ATRN: variants seen among roughly 807,000 people sequenced by gnomAD.
The protein encoded by ATRN is attractin, also known as attractin-2.
In ATRN, 54 loss-of-function variants were observed where a neutral mutation model predicts 178.7. The ratio of observed to expected loss-of-function variants is 0.30; its 90% CI spans 0.24 to 0.38. The LOEUF (loss-of-function observed/expected upper bound fraction) is 0.38. Among genes scored for constraint, ATRN ranks in the 10% least tolerant of loss-of-function variants. ATRN has a pLI of 1.00. For synonymous variants in ATRN, 636 were observed against 663.0 expected, an observed-to-expected ratio of 0.96 and a Z score of 0.63; for missense variants, 1,443 against 1,815.1, an observed-to-expected ratio of 0.79 and a Z score of 3.73.
chr20:3,617,250 A>C (rs2086856759), intron 24 of ATRN, among the ~76,000 whole-genome samples: 1 of 152,182 alleles, frequency 6.6e-6, no homozygotes, highest in Admixed American at 6.5e-5. Context: ...TTTTGTCCAG[A>C]GAGTTAGAAG....
chr20:3,578,919 G>T, intron 15 of ATRN, 147 bp downstream of exon 15: 1 of 651,926 alleles, frequency 1.5e-6, no homozygotes, highest in South Asian at 2.7e-5. Context: ...GAGGGACTGT[G>T]GGTTTGTGCT....
chr20:3,547,179 A>T, intron 4 of ATRN, 105 bp from the exon 5 acceptor site: 1 of 913,862 alleles, frequency 1.1e-6, no homozygotes, highest in Non-Finnish European at 1.7e-6. Context: ...ACACTTGTGA[A>T]TGAACTGAGA....
intron 18 of ATRN, 29 bp from the exon 19 acceptor site, chr20:3,591,140 C>T (rs756524901): frequency 5.6e-6 from 9 of 1,611,300 alleles, no homozygotes; most frequent in East Asian, 2.2e-5. Context: ...TTCCATGGTA[C>T]AGACCCCTTG....
chr20:3,645,783 C>G lies in ATRN; in HGVS notation c.4166-940C>G, dbSNP rs1271947693. 6.6e-6 allele frequency among the ~76,000 whole-genome samples: 1 copy of G among 151,502 alleles called. No homozygotes were observed. Among genetic ancestry groups the G allele is most frequent in the African/African-American group, 2.4e-5 (1 of 41,166 alleles). On this transcript the variant is annotated intron_variant, in intron 28 of 28. Coordinates refer to ENST00000262919, the MANE Select transcript of ATRN (RefSeq NM_139321.3). This position sits in a 1 kb window ranked among gnomAD's most constrained non-coding sequence, Gnocchi z 4.7. ...CCCCCACTCCCCTTCACAGGCTCAACAAGGCAAGTAACACGCTCCACTAAC... is the reference window on the plus strand; with the variant it reads ...CCCCCACTCCCCTTCACAGGCTCAAGAAGGCAAGTAACACGCTCCACTAAC...
At chr20:3,572,455 G>T (rs941470448) in intron 11 of ATRN, among the ~76,000 whole-genome samples, 1 of 152,104 alleles carries the variant, frequency 6.6e-6, no homozygotes, top group African/African-American at 2.4e-5. Context: ...TGTTTTTTAA[G>T]ACCTTGAAAA....
At chr20:3,598,058 G>T in intron 22 of ATRN, 58 bp downstream of exon 22, 1 of 1,169,332 alleles carries the variant, frequency 8.6e-7, no homozygotes, top group Non-Finnish European at 1.3e-6. Flanking sequence ...CTTTTTCTTG[G>T]TCATTACGGA....
At chr20:3,481,860 CAATT>C (rs751658768) in intron 1 of ATRN, among the ~76,000 whole-genome samples, 6 of 130,430 alleles carry the variant, frequency 4.6e-5, no homozygotes, top group Non-Finnish European at 6.3e-5. Context: ...ATGAATTTTC[CAATT>C]AATTTCTCTT....
chr20:3,610,960 G>A (rs906728612), intron 24 of ATRN, among the ~76,000 whole-genome samples: 6 of 151,950 alleles, frequency 3.9e-5, no homozygotes, highest in Admixed American at 6.5e-5. Flanking sequence ...GCCTTTTAAC[G>A]AATAGTGCTA....
At chr20:3,611,040 A>G (rs756299033) in intron 24 of ATRN, among the ~76,000 whole-genome samples, 1 of 152,166 alleles carries the variant, frequency 6.6e-6, no homozygotes, top group Non-Finnish European at 1.5e-5. Context: ...AATTAACGCA[A>G]TATTGATCAC....
Position 3,624,590 on chromosome 20 carries a change from G to A in ATRN, c.3863+18G>A, listed in dbSNP as rs909033040. On this transcript the variant is annotated intron_variant, in intron 25 of 28. Coordinates refer to ENST00000262919, the MANE Select transcript of ATRN (RefSeq NM_139321.3). ...TTCTTCAGGTAATTTTGCTTATACA[G>A]ACTCTCTCTGTTCTTTTGATTTAGG... The A allele has an allele frequency of 3.8e-6, 6 of 1,595,522 alleles. No homozygotes were observed. Among genetic ancestry groups the A allele is most frequent in the Non-Finnish European group, 5.2e-6 (6 of 1,163,686 alleles).
intron 1 of ATRN, among the ~76,000 whole-genome samples, chr20:3,527,399 G>A (rs898435960): frequency 6.6e-6 from 1 of 152,214 alleles, no homozygotes; most frequent in African/African-American, 2.4e-5. Flanking sequence ...AGTTAGAACG[G>A]TGATCATTAA....
At chr20:3,497,529 C>T (rs1273593676) in intron 1 of ATRN, among the ~76,000 whole-genome samples, 1 of 152,158 alleles carries the variant, frequency 6.6e-6, no homozygotes, top group Non-Finnish European at 1.5e-5. Flanking sequence ...GCTGAGAGAT[C>T]AGCTGTTAGT....
At chr20:3,581,263 A>G (rs967193720) in intron 15 of ATRN, among the ~76,000 whole-genome samples, 4 of 152,208 alleles carry the variant, frequency 2.6e-5, no homozygotes, top group African/African-American at 9.6e-5. Context: ...AAAGAAAGCA[A>G]AGGGAGGGAA....
chr20:3,584,653 A>G lies in ATRN; in HGVS notation c.2957A>G (p.Asn986Ser). Residue 986 changes from asparagine (N) to serine (S), a missense_variant, in exon 18 of 29, where the codon AAT becomes AGT. By Grantham distance (46) the Asn-to-Ser change is conservative (BLOSUM62 1). This residue lies in a region of ATRN where 212 missense variants were observed against 330.7 expected (regional missense o/e 0.64). Transcript: ENST00000262919. ...AACTTTTTTTTTTTAATAGCTGAAA[A>G]TTGTTCAGGCTACTGTACCTGTAGT... The part of the protein sequence containing the change: ...WYTMSTCPPE[N>S]CSGYCTCSHC... 6.2e-7 allele frequency: 1 copy of G among 1,602,740 alleles called. No individual in the cohort carries two copies. The highest frequency in any genetic ancestry group is 8.5e-7 in the Non-Finnish European group (1 of 1,175,256).
At chr20:3,614,499 C>T (rs977954646) in intron 24 of ATRN, among the ~76,000 whole-genome samples, 1 of 152,154 alleles carries the variant, frequency 6.6e-6, no homozygotes, top group Admixed American at 6.5e-5. Context: ...AAAGGCAACA[C>T]AGAATTGGTA....
At chr20:3,502,398 T>C (rs1168195561) in intron 1 of ATRN, among the ~76,000 whole-genome samples, 3 of 152,102 alleles carry the variant, frequency 2.0e-5, no homozygotes, top group African/African-American at 4.8e-5. Flanking sequence ...GTGAACTGAC[T>C]TGGGATCACA....
At chr20:3,559,341 G>A (rs542861896) in intron 6 of ATRN, 52 bp from the exon 7 acceptor site, 1 of 1,304,402 alleles carries the variant, frequency 7.7e-7, no homozygotes, top group South Asian at 1.2e-5. Flanking sequence ...AAAATAGTAT[G>A]AGATGTTCTG....
intron 25 of ATRN, chr20:3,629,387 G>A: frequency 1.3e-6 from 1 of 793,098 alleles, no homozygotes; most frequent in South Asian, 5.8e-5. Flanking sequence ...AAAAGCACAA[G>A]CTCTTTCCCT....
chr20:3,505,799 T>C lies in ATRN; in HGVS notation c.411-29454T>C, dbSNP rs560556700. On this transcript the variant is annotated intron_variant, in intron 1 of 28. Transcript: ENST00000262919. ...CTAAATTATACCATGCAAACATTGA[T>C]TTAATAAAAAAGCAGAAATGGCTGT... is the stretch of plus-strand genomic sequence containing the variant. Among the ~76,000 whole-genome samples, 17 of 152,286 alleles carry C rather than the reference T, an allele frequency of 1.1e-4. No homozygotes were observed. The East Asian group carries it at 3.3e-3, about 29-fold the overall frequency.
Sources: gnomAD v4.1 joint callset for allele counts (sites outside exome capture counted in the v4.1 genomes callset) on GRCh38, gnomAD v4.1.1 for gene constraint, gnomAD v4.1.1 regional missense constraint, Gnocchi (gnomAD v3.1) non-coding constraint, MANE v1.5 for transcripts, NCBI Gene and HGNC (gene_info 2026-07-23, HGNC 2026-07-21) for gene names.